The following PCDHGA3 variants were observed in gnomAD, a reference collection of about 807,000 sequenced individuals.
PCDHGA3 encodes the protein protocadherin gamma subfamily A, 3.
Under a neutral mutation model 58.5 loss-of-function variants are expected in PCDHGA3, and 40 were observed. The ratio of observed to expected loss-of-function variants is 0.68; its 90% CI spans 0.53 to 0.89. The LOEUF (loss-of-function observed/expected upper bound fraction) is 0.89, where lower values mean the gene tolerates loss of function less well. Among genes scored for constraint, PCDHGA3 ranks in the 40% least tolerant of loss-of-function variants. The probability of loss-of-function intolerance (pLI) is 0.00; values close to 1 mark genes in which losing one functional copy is unlikely to be tolerated. For missense variants in PCDHGA3, 1,223 were observed against 1,195.9 expected (o/e 1.02, Z -0.33); for synonymous variants, 530 against 525.7 (o/e 1.01, Z -0.11).
intron 1 of PCDHGA3, chr5:141,384,354 C>A (rs1437330360): frequency 6.2e-7 from 1 of 1,613,844 alleles, no homozygotes; most frequent in Non-Finnish European, 8.5e-7. Context: ...AGGATAATGC[C>A]CAGATCACTT....
chr5:141,418,589 C>G lies in PCDHGA3; in HGVS notation c.2424+72132C>G, dbSNP rs184213052. ...CAATGACAACCCCCCAGTGTTCAGC[C>G]AGGACGTGTACAGGGTTAGCCTTCG... On this transcript the variant is annotated intron_variant, in intron 1 of 3. Transcript: ENST00000253812. 5.5e-4 allele frequency: 884 copies of G among 1,614,012 alleles called. 4 individuals carry two copies. Among genetic ancestry groups the G allele is most frequent in the South Asian group, 4.0e-3 (361 of 91,086 alleles).
At chr5:141,423,773 T>A in intron 1 of PCDHGA3, 6 of 901,238 alleles carry the variant, frequency 6.7e-6, no homozygotes, top group Non-Finnish European at 7.3e-6. Flanking sequence ...GGGCGGCATA[T>A]ATTTAGTTCA....
At chr5:141,368,452 C>G (rs75043959) in intron 1 of PCDHGA3, among the ~76,000 whole-genome samples, 11 of 151,980 alleles carry the variant, frequency 7.2e-5, no homozygotes, top group Middle Eastern at 3.4e-3. Context: ...ACAAACTCAC[C>G]GAATAGTGAA....
In PCDHGA3 at chr5:141,343,949, G is replaced by A; in HGVS notation, c.-85G>A. 1 of 1,293,370 alleles carries A rather than the reference G, an allele frequency of 7.7e-7. No individual in the cohort carries two copies. Among genetic ancestry groups the A allele is most frequent in the South Asian group, 1.6e-5 (1 of 60,868 alleles). 80.1% of individuals were successfully genotyped at this position (1,293,370 alleles called of 1,614,324 possible). A position where few individuals can be genotyped will look rare whatever the true frequency, so the allele number is the denominator to read the frequency against. On this transcript the variant is annotated 5_prime_UTR_variant, in exon 1 of 4. Transcript: ENST00000253812. Reference sequence around the variant, plus strand: ...TGACCTGTGAATTAGGCCCGTAAAAGACTTCGTTTCTTGAGAAAATAAGAT... The same window carrying A: ...TGACCTGTGAATTAGGCCCGTAAAAAACTTCGTTTCTTGAGAAAATAAGAT...
chr5:141,371,501 C>G, intron 1 of PCDHGA3: 1 of 1,613,882 alleles, frequency 6.2e-7, no homozygotes, highest in South Asian at 1.1e-5. Context: ...TTGCCCTGAT[C>G]AAAACACATG....
Position 141,485,089 on chromosome 5 carries a change from G to A in PCDHGA3, c.2425-9718G>A. The stretch of plus-strand genomic sequence containing the variant: ...GAGCTGGCGCGGGGAAAGGGAGATA[G>A]GTGTCTCCAGCTGCTGTGGCTGTTT... On this transcript the variant is annotated intron_variant, in intron 1 of 3. Coordinates refer to ENST00000253812, the MANE Select transcript of PCDHGA3 (RefSeq NM_018916.4). This position sits in a 1 kb window ranked among gnomAD's most constrained non-coding sequence, Gnocchi z 5.7. 1 of 1,027,236 alleles carries A rather than the reference G, an allele frequency of 9.7e-7. No homozygotes were observed. The highest frequency in any genetic ancestry group is 1.5e-6 in the Non-Finnish European group (1 of 674,564). 63.6% of individuals were successfully genotyped at this position (1,027,236 alleles called of 1,614,324 possible). A position where few individuals can be genotyped will look rare whatever the true frequency, so the allele number is the denominator to read the frequency against.
rs999687684 is a variant in PCDHGA3 at position 141,431,598 on chromosome 5, C to G, written c.2425-63209C>G. 1 of 1,614,074 alleles carries G rather than the reference C, an allele frequency of 6.2e-7. No individual in the cohort carries two copies. The highest frequency in any genetic ancestry group is 1.3e-5 in the African/African-American group (1 of 74,938). On this transcript the variant is annotated intron_variant, in intron 1 of 3. Transcript: ENST00000253812. This position sits in a 1 kb window ranked among gnomAD's most constrained non-coding sequence, Gnocchi z 4.8. ...GGAGTCAATGCGGAAGTGAGGTATT[C>G]CTTCCGGTATGTGGACGACAAGGCG...
At chr5:141,420,747 A>T (rs2096522944) in intron 1 of PCDHGA3, among the ~76,000 whole-genome samples, 1 of 152,220 alleles carries the variant, frequency 6.6e-6, no homozygotes, top group South Asian at 2.1e-4. Flanking sequence ...ATTGGAACCA[A>T]CTACAACCTA....
At chr5:141,504,306 G>A (rs2099837315) in intron 2 of PCDHGA3, among the ~76,000 whole-genome samples, 1 of 152,076 alleles carries the variant, frequency 6.6e-6, no homozygotes, top group South Asian at 2.1e-4. Context: ...AACACTCGGA[G>A]TTTCTAAAAG....
At chr5:141,394,850 G>GC in intron 1 of PCDHGA3, 1 of 1,613,820 alleles carries the variant, frequency 6.2e-7, no homozygotes. Flanking sequence ...GCAGTCTGAA[G>GC]CCTTCGGTCG....
chr5:141,500,461 G>A (rs1343646600), intron 2 of PCDHGA3, among the ~76,000 whole-genome samples: 1 of 151,910 alleles, frequency 6.6e-6, no homozygotes, highest in Non-Finnish European at 1.5e-5. Flanking sequence ...CGCCCGCCTC[G>A]GCCTCCCAAA....
chr5:141,446,623 TGC>T (rs1310809206), intron 1 of PCDHGA3, among the ~76,000 whole-genome samples: 1 of 152,014 alleles, frequency 6.6e-6, no homozygotes, highest in African/African-American at 2.4e-5. Flanking sequence ...ACTACAGGCG[TGC>T]ACCACCACGC....
At position 141,362,565 on chromosome 5, in the gene PCDHGA3, T is replaced by C. The variant is rs757616440; in HGVS notation, c.2424+16108T>C. The stretch of plus-strand genomic sequence containing the variant: ...CAGATACTATTTTGAAGGTGAGCTT[T>C]AATTAATTTATTTTCACTTCTGGTT... On this transcript the variant is annotated intron_variant, in intron 1 of 3. Transcript: ENST00000253812. 1.6e-5 allele frequency: 25 copies of C among 1,608,278 alleles called. No homozygotes were observed. In the African/African-American group the frequency reaches 3.2e-4, roughly 21 times the overall value.
rs1244081974 is a variant in PCDHGA3, at chr5:141,345,800, C to A, written c.1767C>A (p.Thr589=). 1.9e-6 allele frequency: 3 copies of A among 1,613,880 alleles called. No individual in the cohort carries two copies. Among genetic ancestry groups the A allele is most frequent in the African/African-American group, 1.3e-5 (1 of 74,912 alleles). The change falls in exon 1 of 4, where the codon ACC becomes ACA. Residue 589 remains threonine (T), a synonymous_variant. Coordinates refer to ENST00000253812, the MANE Select transcript of PCDHGA3 (RefSeq NM_018916.4). The part of the protein sequence containing the change: ...PRSAEPGYLV[T]KVVAVDRDSG... ...CCGCAGAGCCCGGCTACCTGGTGAC[C>A]AAGGTGGTGGCGGTGGACAGAGACT...
intron 1 of PCDHGA3, chr5:141,393,064 T>C: frequency 6.2e-7 from 1 of 1,613,630 alleles, no homozygotes. Flanking sequence ...AGCGGCAGCT[T>C]GATCACCGCG....
At position 141,431,896 on chromosome 5, in the gene PCDHGA3, C is replaced by A. The variant is rs1292629023; in HGVS notation, c.2425-62911C>A. The A allele has an allele frequency of 6.2e-7, 1 of 1,613,940 alleles. No homozygotes were observed. The highest frequency in any genetic ancestry group is 1.3e-5 in the African/African-American group (1 of 74,924). On this transcript the variant is annotated intron_variant, in intron 1 of 3. Coordinates refer to ENST00000253812, the MANE Select transcript of PCDHGA3 (RefSeq NM_018916.4). This position sits in a 1 kb window ranked among gnomAD's most constrained non-coding sequence, Gnocchi z 4.8. Reference sequence around the variant, plus strand: ...TAAATGACCAAGATTCTGAGGAAAACGGACAGGTGATCTGTTTCATCCAAG... The same window carrying A: ...TAAATGACCAAGATTCTGAGGAAAAAGGACAGGTGATCTGTTTCATCCAAG...
intron 1 of PCDHGA3, among the ~76,000 whole-genome samples, chr5:141,446,315 G>A (rs556077331): frequency 6.6e-6 from 1 of 152,188 alleles, no homozygotes; most frequent in East Asian, 1.9e-4. Context: ...TGATTCCTGG[G>A]TTTCCACATT....
intron 1 of PCDHGA3, among the ~76,000 whole-genome samples, chr5:141,359,329 C>G (rs1425381791): frequency 6.6e-6 from 1 of 151,874 alleles, no homozygotes; most frequent in African/African-American, 2.4e-5. Flanking sequence ...GGAATATATT[C>G]CAGAATGAGA....
intron 1 of PCDHGA3, chr5:141,403,322 A>G (rs1156229289): frequency 6.2e-7 from 1 of 1,613,982 alleles, no homozygotes; most frequent in Non-Finnish European, 8.5e-7. Flanking sequence ...AATAGAAGTA[A>G]CTGATATTAA....
Sources: allele counts gnomAD v4.1 joint callset (sites outside exome capture counted in the v4.1 genomes callset), GRCh38; gene constraint gnomAD v4.1.1; non-coding constraint Gnocchi (gnomAD v3.1); transcripts MANE v1.5; gene names NCBI Gene and HGNC (gene_info 2026-07-23, HGNC 2026-07-21).